The following GABRB1 variants were observed in gnomAD, a reference collection of about 807,000 sequenced individuals.
The protein encoded by GABRB1 is gamma-aminobutyric acid type A receptor subunit beta1.
In GABRB1, 17 loss-of-function variants were observed where a neutral mutation model predicts 51.6. The ratio of observed to expected loss-of-function variants is 0.33; its 90% CI spans 0.23 to 0.49. GABRB1 has a LOEUF of 0.49. Among genes scored for constraint, GABRB1 ranks in the 20% least tolerant of loss-of-function variants. GABRB1 has a pLI of 0.99. For synonymous variants in GABRB1, 247 were observed against 218.9 expected (o/e 1.13, Z -1.14); for missense variants, 410 against 600.6 (o/e 0.68, Z 3.32).
chr4:47,233,254 T>G (rs762723197), intron 4 of GABRB1, among the ~76,000 whole-genome samples: 2 of 152,166 alleles, frequency 1.3e-5, no homozygotes, highest in Non-Finnish European at 2.9e-5. Flanking sequence ...TCTACACTGC[T>G]AAAAGAGTTA....
At chr4:47,151,298 C>A (rs1429839033) in intron 3 of GABRB1, among the ~76,000 whole-genome samples, 1 of 152,002 alleles carries the variant, frequency 6.6e-6, no homozygotes, top group East Asian at 1.9e-4. Flanking sequence ...TCCAACAAAA[C>A]AGTACAGACC....
At chr4:47,064,575 T>G (rs1284559774) in intron 3 of GABRB1, among the ~76,000 whole-genome samples, 2 of 144,906 alleles carry the variant, frequency 1.4e-5, no homozygotes, top group African/African-American at 2.6e-5. Flanking sequence ...GAGGAGGAGG[T>G]TGCAGTGAGT....
At chr4:47,366,548 A>G (rs963500357) in intron 5 of GABRB1, among the ~76,000 whole-genome samples, 8 of 152,142 alleles carry the variant, frequency 5.3e-5, no homozygotes, top group Non-Finnish European at 1.0e-4. Flanking sequence ...GAGATCCACA[A>G]TCTGGCTCCA....
At chr4:47,086,349 A>G (rs1728059933) in intron 3 of GABRB1, among the ~76,000 whole-genome samples, 2 of 152,176 alleles carry the variant, frequency 1.3e-5, no homozygotes, top group Non-Finnish European at 1.5e-5. Flanking sequence ...TTTTCCTTCA[A>G]GATAATAATT....
intron 3 of GABRB1, among the ~76,000 whole-genome samples, chr4:47,154,640 C>T (rs1248850128): frequency 2.0e-5 from 3 of 151,894 alleles, no homozygotes; most frequent in African/African-American, 7.3e-5. Flanking sequence ...TGGTTGGAGG[C>T]AATAAAGATG....
In GABRB1 at chr4:47,378,231, C is replaced by T. The variant is rs181740675; in HGVS notation, c.545-25087C>T. On this transcript the variant is annotated intron_variant, in intron 5 of 8. Coordinates refer to ENST00000295454, the MANE Select transcript of GABRB1 (RefSeq NM_000812.4). ...AGCTAAGGCCTGGCGAGAAATCGAG[C>T]GCAGCGCCAGTGGGCCAGCACTGAT... Among the ~76,000 whole-genome samples, 505 of 152,340 alleles carry T rather than the reference C, an allele frequency of 3.3e-3. 7 individuals are homozygous for T. Among genetic ancestry groups the T allele is most frequent in the African/African-American group, 0.011 (462 of 41,592 alleles).
At chr4:47,001,911 T>G (rs753847323) in intron 1 of GABRB1, among the ~76,000 whole-genome samples, 5 of 152,220 alleles carry the variant, frequency 3.3e-5, no homozygotes, top group Non-Finnish European at 7.3e-5. Flanking sequence ...ATTAAATTGT[T>G]CCAAAAAGTG....
At chr4:47,100,033 T>C (rs1470632742) in intron 3 of GABRB1, among the ~76,000 whole-genome samples, 4 of 152,044 alleles carry the variant, frequency 2.6e-5, no homozygotes, top group Non-Finnish European at 5.9e-5. Flanking sequence ...AGATTGTGTA[T>C]TTACTTAATT....
chr4:47,132,589 A>G (rs970454231), intron 3 of GABRB1, among the ~76,000 whole-genome samples: 1 of 152,218 alleles, frequency 6.6e-6, no homozygotes, highest in African/African-American at 2.4e-5. Context: ...TGAACTTTTT[A>G]TAAGGTACAA....
At chr4:47,028,383 T>C (rs1308820397), upstream of GABRB1, among the ~76,000 whole-genome samples, 2 of 151,814 alleles carry the variant, frequency 1.3e-5, no homozygotes, top group Non-Finnish European at 3.0e-5. Flanking sequence ...CTGACTACAG[T>C]CACCCTACTC....
At chr4:47,207,974 A>G (rs1720203712) in intron 4 of GABRB1, among the ~76,000 whole-genome samples, 1 of 152,068 alleles carries the variant, frequency 6.6e-6, no homozygotes, top group Non-Finnish European at 1.5e-5. Context: ...ATGTAAATCC[A>G]CGGATACACT....
At position 47,188,195 on chromosome 4, in the gene GABRB1, G is replaced by A. The variant is rs73815406; in HGVS notation, c.461+26726G>A. 1.5e-4 allele frequency among the ~76,000 whole-genome samples: 23 copies of A among 151,962 alleles called. No homozygotes were observed. The East Asian group carries it at 4.5e-3, about 29-fold the overall frequency. The stretch of plus-strand genomic sequence containing the variant: ...ATTAGATAAAGGACTTAATAAATAC[G>A]TATGGTACAAAATATAAAACTGAGT... On this transcript the variant is annotated intron_variant, in intron 4 of 8. Transcript: ENST00000295454.
Position 47,310,979 on chromosome 4 carries a change from T to C in GABRB1, c.462-9148T>C, listed in dbSNP as rs1724647175. 3.0e-5 allele frequency among the ~76,000 whole-genome samples: 4 copies of C among 134,632 alleles called. No individual in the cohort carries two copies. In the South Asian group the frequency reaches 9.0e-4, roughly 30 times the overall value. 88.3% of individuals were successfully genotyped at this position (134,632 alleles called of 152,430 possible). ...AGGAGGCTGAGGCAGGAGAATAGCTTGAACCTGGGAGGCAGAGGTTGCAGT... is the reference window on the plus strand; with the variant it reads ...AGGAGGCTGAGGCAGGAGAATAGCTCGAACCTGGGAGGCAGAGGTTGCAGT... On this transcript the variant is annotated intron_variant, in intron 4 of 8. Transcript: ENST00000295454.
At chr4:47,295,528 T>A (rs1311596902) in intron 4 of GABRB1, among the ~76,000 whole-genome samples, 1 of 151,752 alleles carries the variant, frequency 6.6e-6, no homozygotes, top group Non-Finnish European at 1.5e-5. Flanking sequence ...ATGAAATGAA[T>A]GAAATGAAGC....
intron 4 of GABRB1, among the ~76,000 whole-genome samples, chr4:47,163,170 T>C (rs1228208378): frequency 6.6e-6 from 1 of 152,070 alleles, no homozygotes; most frequent in African/African-American, 2.4e-5. Flanking sequence ...CTTAGTTTTA[T>C]CAGTTGTATA....
intron 1 of GABRB1, among the ~76,000 whole-genome samples, chr4:47,019,849 G>T (rs376621777): frequency 1.4e-5 from 2 of 146,348 alleles, no homozygotes; most frequent in African/African-American, 5.3e-5. Context: ...AGGAAAACAG[G>T]CACATGCCAC....
At chr4:47,425,384 C>CACACACACACAT (rs1291142223) in intron 8 of GABRB1, among the ~76,000 whole-genome samples, 41 of 149,684 alleles carry the variant, frequency 2.7e-4, no homozygotes, top group African/African-American at 9.9e-4. Context: ...ATACCACACA[C>CACACACACACAT]ACACACACAC....
chr4:47,333,137 A>C (rs1029750803), intron 5 of GABRB1, among the ~76,000 whole-genome samples: 25 of 145,680 alleles, frequency 1.7e-4, no homozygotes, highest in Admixed American at 6.9e-4. Context: ...TTTATATAAT[A>C]TATATTATAT....
chr4:47,189,954 G>T (rs1719366245), intron 4 of GABRB1, among the ~76,000 whole-genome samples: 1 of 151,948 alleles, frequency 6.6e-6, no homozygotes, highest in Admixed American at 6.6e-5. Context: ...AGTGTCCAGT[G>T]GCCCATCTTT....
Sources: gnomAD v4.1 joint callset for allele counts (sites outside exome capture counted in the v4.1 genomes callset) on GRCh38, gnomAD v4.1.1 for gene constraint, MANE v1.5 for transcripts, NCBI Gene and HGNC (gene_info 2026-07-23, HGNC 2026-07-21) for gene names.